The following MIPOL1 variants were observed in gnomAD, a reference collection of about 807,000 sequenced individuals.
MIPOL1 encodes mirror-image polydactyly 1, also known as mirror-image polydactyly gene 1 protein.
Under a neutral mutation model 60.9 loss-of-function variants are expected in MIPOL1, and 57 were observed. The observed-to-expected ratio is 0.94, with a 90% CI of 0.76 to 1.17. MIPOL1 has a LOEUF of 1.17. MIPOL1 is among the 50% of genes most tolerant of loss of function. The probability of loss-of-function intolerance (pLI) is 0.00; values close to 1 mark genes in which losing one functional copy is unlikely to be tolerated. For synonymous variants in MIPOL1, 179 were observed against 168.8 expected (o/e 1.06, Z -0.47); for missense variants, 551 against 511.6 (o/e 1.08, Z -0.74).
chr14:37,349,660 AT>A (rs562285153), intron 9 of MIPOL1, among the ~76,000 whole-genome samples: 23 of 152,176 alleles, frequency 1.5e-4, no homozygotes, highest in Admixed American at 5.9e-4. Context: ...TCTATGTGAA[AT>A]TGCAATTTCT....
intron 11 of MIPOL1, among the ~76,000 whole-genome samples, chr14:37,457,668 A>G (rs1228910078): frequency 1.3e-5 from 2 of 152,158 alleles, no homozygotes; most frequent in Non-Finnish European, 2.9e-5. Flanking sequence ...TCTACCTGAA[A>G]CACCCTTTAT....
intron 9 of MIPOL1, among the ~76,000 whole-genome samples, chr14:37,351,233 T>C (rs1243989153): frequency 6.8e-6 from 1 of 147,678 alleles, no homozygotes; most frequent in Non-Finnish European, 1.5e-5. Flanking sequence ...ACCAAGGACA[T>C]GAACTCATTC....
chr14:37,347,319 T>C (rs192382461), intron 9 of MIPOL1, among the ~76,000 whole-genome samples: 39 of 152,076 alleles, frequency 2.6e-4, no homozygotes, highest in Admixed American at 1.1e-3. Context: ...TGAAAAAGCA[T>C]ACAAGAAGAA....
intron 10 of MIPOL1, among the ~76,000 whole-genome samples, chr14:37,422,219 T>C (rs1182088169): frequency 6.6e-6 from 1 of 151,998 alleles, no homozygotes; most frequent in African/African-American, 2.4e-5. Context: ...TCAAAAATTA[T>C]AGCAGGAAGG....
chr14:37,231,904 A>T (rs1313182294), intron 1 of MIPOL1, among the ~76,000 whole-genome samples: 2 of 151,752 alleles, frequency 1.3e-5, no homozygotes, highest in African/African-American at 2.4e-5. Context: ...ACATAGGGAG[A>T]TCGTATCTCT....
At chr14:37,348,702 T>A (rs1313010593) in intron 9 of MIPOL1, among the ~76,000 whole-genome samples, 2 of 152,002 alleles carry the variant, frequency 1.3e-5, no homozygotes, top group African/African-American at 4.8e-5. Context: ...TTACCTCCAC[T>A]TCTACCATCC....
chr14:37,274,501 G>A (rs570964671), intron 6 of MIPOL1, among the ~76,000 whole-genome samples: 1 of 151,454 alleles, frequency 6.6e-6, no homozygotes, highest in African/African-American at 2.4e-5. Context: ...TATTTATTGT[G>A]GACTCATTAT....
At position 37,431,739 on chromosome 14, in the gene MIPOL1, T is replaced by G. The variant is rs552190304; in HGVS notation, c.1031+8790T>G. On this transcript the variant is annotated intron_variant, in intron 11 of 12. Transcript: ENST00000684589. Reference sequence around the variant, plus strand: ...GACTACAGGCACCCGCCACCATGCCTGGCTAATTTTTTTTTTTTTGTACTT... The same window carrying G: ...GACTACAGGCACCCGCCACCATGCCGGGCTAATTTTTTTTTTTTTGTACTT... Among the ~76,000 whole-genome samples the G allele has an allele frequency of 3.4e-3, 517 of 150,276 alleles. 5 individuals are homozygous for G. Among genetic ancestry groups the G allele is most frequent in the Non-Finnish European group, 5.6e-3 (380 of 67,680 alleles).
chr14:37,463,124 G>A (rs1282533292), intron 11 of MIPOL1, among the ~76,000 whole-genome samples: 1 of 152,316 alleles, frequency 6.6e-6, no homozygotes, highest in East Asian at 1.9e-4. Context: ...GTCTGGGGAG[G>A]CCTCACAATC....
At chr14:37,214,009 G>A (rs942871085) in intron 1 of MIPOL1, among the ~76,000 whole-genome samples, 3 of 152,084 alleles carry the variant, frequency 2.0e-5, no homozygotes, top group South Asian at 2.1e-4. Flanking sequence ...AGAAATAAAG[G>A]CTTTCCCAGA....
chr14:37,267,346 G>C (rs961546166), intron 4 of MIPOL1, among the ~76,000 whole-genome samples, 177 bp downstream of exon 4: 4 of 152,120 alleles, frequency 2.6e-5, no homozygotes, highest in African/African-American at 9.7e-5. Flanking sequence ...AAATCAGCCA[G>C]GTGTGGTGGC....
intron 11 of MIPOL1, among the ~76,000 whole-genome samples, chr14:37,439,452 C>T (rs1217412166): frequency 6.6e-6 from 1 of 151,986 alleles, no homozygotes; most frequent in East Asian, 1.9e-4. Context: ...TCCTGGAGAG[C>T]CTTGGGAATA....
At chr14:37,269,559 T>G (rs2083134104) in intron 5 of MIPOL1, among the ~76,000 whole-genome samples, 1 of 152,128 alleles carries the variant, frequency 6.6e-6, no homozygotes, top group Non-Finnish European at 1.5e-5. Flanking sequence ...ATGAGATGTT[T>G]TCTGTACTTT....
intron 9 of MIPOL1, among the ~76,000 whole-genome samples, chr14:37,331,096 C>G (rs1261299013): frequency 6.6e-6 from 1 of 151,698 alleles, no homozygotes; most frequent in African/African-American, 2.4e-5. Context: ...CCATATGTAT[C>G]TGTTTTATGC....
At chr14:37,355,498 G>T (rs948082461) in intron 9 of MIPOL1, among the ~76,000 whole-genome samples, 1 of 151,438 alleles carries the variant, frequency 6.6e-6, no homozygotes, top group Non-Finnish European at 1.5e-5. Context: ...ATCCTGCAGA[G>T]TGTTTTCCAA....
intron 9 of MIPOL1, among the ~76,000 whole-genome samples, chr14:37,323,461 T>C (rs2088827789): frequency 6.6e-6 from 1 of 151,796 alleles, no homozygotes; most frequent in South Asian, 2.1e-4. Context: ...CTATACGGGC[T>C]TTTTTTTGGT....
intron 9 of MIPOL1, among the ~76,000 whole-genome samples, chr14:37,310,094 C>T (rs1347540495): frequency 6.6e-6 from 1 of 152,080 alleles, no homozygotes; most frequent in Non-Finnish European, 1.5e-5. Flanking sequence ...ATTCCATAGC[C>T]CATTATAATT....
chr14:37,462,311 C>G (rs1202174755), intron 11 of MIPOL1, among the ~76,000 whole-genome samples: 1 of 152,170 alleles, frequency 6.6e-6, no homozygotes, highest in East Asian at 1.9e-4. Context: ...TGCAGGGCAC[C>G]AAGTCCCTAG....
chr14:37,522,057 C>T (rs2095418024), intron 12 of MIPOL1, among the ~76,000 whole-genome samples: 1 of 146,810 alleles, frequency 6.8e-6, no homozygotes. Context: ...CCCTTTTACT[C>T]TCATCAATTT....
Sources: gnomAD v4.1 joint callset for allele counts (sites outside exome capture counted in the v4.1 genomes callset) on GRCh38, gnomAD v4.1.1 for gene constraint, MANE v1.5 for transcripts, NCBI Gene and HGNC (gene_info 2026-07-23, HGNC 2026-07-21) for gene names.